SLC25A51: variants seen among roughly 807,000 people sequenced by gnomAD.
SLC25A51 encodes the protein solute carrier family 25 member 51, also known as mitochondrial nicotinamide adenine dinucleotide transporter SLC25A51.
Under a neutral mutation model 19.1 loss-of-function variants are expected in SLC25A51, and 11 were observed. The ratio of observed to expected loss-of-function variants is 0.58; its 90% confidence interval spans 0.36 to 0.96. The LOEUF is 0.96. SLC25A51 is among the 40% of genes least tolerant of loss of function. The pLI is 0.01. For missense variants in SLC25A51, 201 were observed against 365.4 expected (o/e 0.55, Z 3.67); for synonymous variants, 105 against 133.6 (o/e 0.79, Z 1.47).
downstream of SLC25A51, chr9:37,886,000 T>C: frequency 3.1e-6 from 5 of 1,613,792 alleles, no homozygotes; most frequent in Non-Finnish European, 4.2e-6. Flanking sequence ...CCAATTGGTC[T>C]AATGACTGCC....
Position 37,888,512 on chromosome 9 carries a change from T to A in SLC25A51, c.39A>T (p.Ile13=). ...ATATATCTTGTTTTGAAGATGTTAGTATTGGTGGCCTCTTTTCATGAGCTT... is the reference window on the plus strand; with the variant it reads ...ATATATCTTGTTTTGAAGATGTTAGAATTGGTGGCCTCTTTTCATGAGCTT... ...DSEAHEKRPP[I]LTSSKQDISP... Residue 13 remains isoleucine (I), a synonymous_variant, in exon 3 of 3, where the codon ATA becomes ATT. Coordinates refer to ENST00000242275, the MANE Select transcript of SLC25A51 (RefSeq NM_033412.4). 6.2e-7 allele frequency: 1 copy of A among 1,612,496 alleles called. No homozygotes were observed. Among genetic ancestry groups the A allele is most frequent in the South Asian group, 1.1e-5 (1 of 90,758 alleles).
downstream of SLC25A51, chr9:37,885,991 CA>C (rs537284051): frequency 4.5e-4 from 734 of 1,613,724 alleles, 5 homozygotes; most frequent in South Asian, 5.2e-3. Flanking sequence ...AGTTCTTTGC[CA>C]ATTGGTCTAA....
At chr9:37,879,133 T>C (rs776011), downstream of SLC25A51, 108 of 351,586 alleles carry the variant, frequency 3.1e-4, no homozygotes, top group African/African-American at 2.2e-3. Flanking sequence ...GAGTAACATC[T>C]GCACATAAAG....
downstream of SLC25A51, chr9:37,886,197 C>A: frequency 1.3e-6 from 2 of 1,538,596 alleles, no homozygotes; most frequent in Non-Finnish European, 1.8e-6. Flanking sequence ...ATGCGGCAGC[C>A]ACAGACTGAC....
intron 3 of SLC25A51, among the ~76,000 whole-genome samples, chr9:37,881,143 A>T (rs184275174): frequency 1.3e-5 from 2 of 150,830 alleles, no homozygotes; most frequent in African/African-American, 4.9e-5. Flanking sequence ...AAAACTTCAC[A>T]CTCTCCTAAC....
intron 2 of SLC25A51, among the ~76,000 whole-genome samples, chr9:37,894,855 A>C (rs1447138132): frequency 1.3e-5 from 2 of 152,114 alleles, no homozygotes; most frequent in African/African-American, 4.8e-5. Flanking sequence ...TCCACTTGTA[A>C]GTGAGAACAT....
At chr9:37,883,140 C>T (rs1160601048), downstream of SLC25A51, among the ~76,000 whole-genome samples, 4 of 152,180 alleles carry the variant, frequency 2.6e-5, no homozygotes, top group Admixed American at 2.0e-4. Flanking sequence ...CCACCGCACC[C>T]GGCCTGCCTT....
intron 2 of SLC25A51, among the ~76,000 whole-genome samples, chr9:37,896,434 C>A (rs1046289822): frequency 1.3e-5 from 2 of 152,134 alleles, no homozygotes; most frequent in South Asian, 2.1e-4. Flanking sequence ...TCGGTGTACT[C>A]TTCCCCAAAA....
At chr9:37,891,820 C>T (rs1831593543) in intron 2 of SLC25A51, among the ~76,000 whole-genome samples, 1 of 149,766 alleles carries the variant, frequency 6.7e-6, no homozygotes, top group African/African-American at 2.5e-5. Flanking sequence ...CTGCCAAATC[C>T]CCCTCTGCGA....
chr9:37,888,122 T>C lies in SLC25A51; in HGVS notation c.429A>G (p.Thr143=), dbSNP rs778205756. Residue 143 remains threonine, a synonymous_variant, in exon 3 of 3, where the codon ACA becomes ACG. Transcript: ENST00000242275. ...CATGATGCTTGTGGTCTTGAAGCAA[T>C]GTCTGAACTCTTTCCAGTGGAGTGA... The part of the protein sequence containing the change: ...AIFTPLERVQ[T]LLQDHKHHDK... The C allele has an allele frequency of 5.6e-6, 9 of 1,613,890 alleles. No homozygotes were observed. In the South Asian group the frequency reaches 7.7e-5, roughly 14 times the overall value.
At chr9:37,885,620 T>C (rs986986631), downstream of SLC25A51, 7 of 780,002 alleles carry the variant, frequency 9.0e-6, no homozygotes, top group African/African-American at 1.9e-5. Flanking sequence ...GCAACAATAA[T>C]ACGGCGCCCA....
intron 2 of SLC25A51, among the ~76,000 whole-genome samples, chr9:37,889,001 TA>T (rs1831522674): frequency 6.6e-6 from 1 of 152,234 alleles, no homozygotes; most frequent in Non-Finnish European, 1.5e-5. Flanking sequence ...TGTTAACATG[TA>T]ATGTGTTTAT....
downstream of SLC25A51, among the ~76,000 whole-genome samples, chr9:37,883,036 G>T (rs983620145): frequency 1.3e-5 from 2 of 152,136 alleles, no homozygotes; most frequent in Non-Finnish European, 2.9e-5. Flanking sequence ...GTAGAGATGG[G>T]GTTTCGCCAT....
intron 3 of SLC25A51, among the ~76,000 whole-genome samples, chr9:37,881,171 AAGG>A (rs1831341449): frequency 6.6e-6 from 1 of 151,842 alleles, no homozygotes. Flanking sequence ...CTACAACAGA[AAGG>A]AGCAGCTCTG....
chr9:37,888,815 T>C (rs1016078040), intron 2 of SLC25A51, among the ~76,000 whole-genome samples: 5 of 152,228 alleles, frequency 3.3e-5, no homozygotes, highest in African/African-American at 4.8e-5. Flanking sequence ...TGAGGCTTGA[T>C]TTTTTGCATA....
At chr9:37,879,888 T>G (rs1048870105) in exon 4 of SLC25A51, 3 of 152,446 alleles carry the variant, frequency 2.0e-5, no homozygotes, top group African/African-American at 7.2e-5. Flanking sequence ...GTGGCTGGAG[T>G]GCAGAGACAG....
downstream of SLC25A51, among the ~76,000 whole-genome samples, chr9:37,885,435 A>G (rs1587154802): frequency 5.9e-5 from 9 of 151,322 alleles, no homozygotes; most frequent in South Asian, 1.9e-3. Context: ...AGCTTTGCCC[A>G]TAACTCACTG....
In SLC25A51 at chr9:37,897,223, A is replaced by G. The variant is rs186086729; in HGVS notation, c.-43+2606T>C. 9.0e-4 allele frequency among the ~76,000 whole-genome samples: 136 copies of G among 151,926 alleles called. 2 individuals are homozygous for G. Among genetic ancestry groups the G allele is most frequent in the Admixed American group, 5.2e-3 (79 of 15,242 alleles). On this transcript the variant is annotated intron_variant, in intron 2 of 2. Transcript: ENST00000242275. ...GTTACTATTATATTTTAAATTTTTA[A>G]ATTTTTTTTCTTTTTGAGATGGGGT...
At chr9:37,896,403 C>T (rs1254021935) in intron 2 of SLC25A51, among the ~76,000 whole-genome samples, 1 of 152,106 alleles carries the variant, frequency 6.6e-6, no homozygotes, top group East Asian at 1.9e-4. Flanking sequence ...TTCTAGCCCT[C>T]TCACTTTTCT....
Sources: gnomAD v4.1 joint callset for allele counts (sites outside exome capture counted in the v4.1 genomes callset) on GRCh38, gnomAD v4.1.1 for gene constraint, MANE v1.5 for transcripts, NCBI Gene and HGNC (gene_info 2026-07-23, HGNC 2026-07-21) for gene names.